The following TRDN variants were observed in gnomAD, a reference collection of about 807,000 sequenced individuals.
TRDN encodes the protein triadin in skeletal muscle.
A neutral mutation model predicts 149.7 loss-of-function variants in TRDN; 161 were observed. The ratio of observed to expected loss-of-function variants is 1.08; its 90% CI spans 0.95 to 1.23. The LOEUF (loss-of-function observed/expected upper bound fraction) is 1.23. Ranked by LOEUF, TRDN falls within the 50% of genes most tolerant of loss-of-function variation. The pLI is 0.00. For synonymous variants in TRDN, 294 were observed against 250.5 expected (o/e 1.17, Z -1.64); for missense variants, 896 against 823.5 (o/e 1.09, Z -1.08).
At chr6:123,446,525 C>T (rs1052775382) in intron 10 of TRDN, among the ~76,000 whole-genome samples, 25 of 138,466 alleles carry the variant, frequency 1.8e-4, no homozygotes, top group Admixed American at 4.9e-4. Context: ...GTGGAGCTTG[C>T]AGTGAGCTGA....
At chr6:123,605,628 G>A (rs1487727040) in intron 1 of TRDN, among the ~76,000 whole-genome samples, 2 of 150,622 alleles carry the variant, frequency 1.3e-5, no homozygotes, top group Non-Finnish European at 2.9e-5. Context: ...AGCCAAGTGT[G>A]GTTGTATAGA....
intron 10 of TRDN, among the ~76,000 whole-genome samples, chr6:123,455,005 G>C (rs1040291083): frequency 2.6e-5 from 4 of 152,170 alleles, no homozygotes; most frequent in Admixed American, 1.3e-4. Context: ...TGAAGCTTGA[G>C]ATAGATATAC....
intron 9 of TRDN, chr6:123,470,375 G>C (rs1415037133): frequency 6.6e-6 from 1 of 152,104 alleles, no homozygotes; most frequent in Non-Finnish European, 1.5e-5. Flanking sequence ...GTGTTGGCTG[G>C]GATGTTGTGA....
chr6:123,455,916 T>C (rs1411088023), intron 10 of TRDN, among the ~76,000 whole-genome samples: 5 of 152,204 alleles, frequency 3.3e-5, no homozygotes, highest in African/African-American at 9.6e-5. Flanking sequence ...AATATTTCAT[T>C]ACATTTAAAA....
intron 5 of TRDN, 49 bp from the exon 6 acceptor site, chr6:123,516,255 G>A: frequency 7.1e-7 from 1 of 1,414,484 alleles, no homozygotes; most frequent in Non-Finnish European, 9.3e-7. Context: ...AGGAATAAAT[G>A]AGGAGATGTT....
chr6:123,568,266 C>G (rs1297078074), intron 2 of TRDN, among the ~76,000 whole-genome samples: 4 of 152,186 alleles, frequency 2.6e-5, no homozygotes, highest in Non-Finnish European at 5.9e-5. Context: ...CAGGGTTCAG[C>G]CCTGGAGGCT....
chr6:123,247,492 A>T (rs1289354300), intron 38 of TRDN, among the ~76,000 whole-genome samples: 1 of 152,218 alleles, frequency 6.6e-6, no homozygotes, highest in African/African-American at 2.4e-5. Flanking sequence ...GTGAACTCCC[A>T]TTCACAATTG....
At chr6:123,301,884 G>A (rs1778442680) in intron 24 of TRDN, among the ~76,000 whole-genome samples, 1 of 147,438 alleles carries the variant, frequency 6.8e-6, no homozygotes, top group African/African-American at 2.5e-5. Context: ...AATTCATATG[G>A]CGGTCTGCGT....
chr6:123,544,017 A>C (rs1031189529), intron 4 of TRDN, among the ~76,000 whole-genome samples: 2 of 152,076 alleles, frequency 1.3e-5, no homozygotes, highest in Admixed American at 6.6e-5. Context: ...TTAGACTATA[A>C]GAATCTAAGA....
intron 1 of TRDN, among the ~76,000 whole-genome samples, chr6:123,611,633 A>G (rs1305981262): frequency 1.3e-5 from 2 of 152,204 alleles, no homozygotes; most frequent in Non-Finnish European, 2.9e-5. Context: ...GTTCTATCAT[A>G]GATCAAAAAA....
At chr6:123,468,817 C>A (rs1217616023) in intron 9 of TRDN, 2 of 152,032 alleles carry the variant, frequency 1.3e-5, no homozygotes, top group Non-Finnish European at 2.9e-5. Flanking sequence ...ATGTCATAGA[C>A]CCTCATTGGA....
intron 5 of TRDN, among the ~76,000 whole-genome samples, chr6:123,516,784 A>T (rs528116889): frequency 6.6e-6 from 1 of 152,254 alleles, no homozygotes; most frequent in Non-Finnish European, 1.5e-5. Flanking sequence ...CTAAAATTTA[A>T]GTCATAATCT....
At chr6:123,359,750 C>T (rs1230957427) in intron 20 of TRDN, among the ~76,000 whole-genome samples, 1 of 152,140 alleles carries the variant, frequency 6.6e-6, no homozygotes, top group African/African-American at 2.4e-5. Flanking sequence ...GGCTGGAGTG[C>T]AGTGGCCGGA....
intron 10 of TRDN, among the ~76,000 whole-genome samples, chr6:123,443,811 T>C (rs1775100864): frequency 6.7e-6 from 1 of 148,920 alleles, no homozygotes; most frequent in Non-Finnish European, 1.5e-5. Flanking sequence ...CTCAGGTTTG[T>C]CAAAGATCAG....
rs867167353 is a variant in TRDN, at chr6:123,530,522, C to A, written c.468G>T (p.Arg156Ser). The A allele has an allele frequency of 8.0e-7, 1 of 1,248,668 alleles. No homozygotes were observed. The highest frequency in any genetic ancestry group is 1.1e-6 in the Non-Finnish European group (1 of 933,756). The allele number at this position is 1,248,668 out of a possible 1,614,324, so 77.3% of individuals were successfully genotyped here. ...DKTEKQEKPERKIQTKVTHKE... is the reference protein window; with the variant it reads ...DKTEKQEKPESKIQTKVTHKE... ...AATGTTTACCTTTAGTTTGTATTTT[C>A]CTTTCAGGTTTCTCTTGTTTTTCAG... Residue 156 changes from arginine (R) to serine (S), a missense_variant, in exon 5 of 41, where the codon AGG becomes AGT. Physicochemically the swap from Arg to Ser is moderately radical, Grantham distance 110. Transcript: ENST00000334268.
chr6:123,401,323 C>T (rs1772961704), intron 12 of TRDN, among the ~76,000 whole-genome samples: 1 of 152,012 alleles, frequency 6.6e-6, no homozygotes, highest in South Asian at 2.1e-4. Flanking sequence ...ATCAAGCAGC[C>T]CAAGGAAGAA....
intron 1 of TRDN, among the ~76,000 whole-genome samples, chr6:123,580,905 T>A (rs1016433621): frequency 6.6e-6 from 1 of 152,182 alleles, no homozygotes; most frequent in Non-Finnish European, 1.5e-5. Flanking sequence ...TTAATTATTT[T>A]AGGTTGAAAA....
intron 5 of TRDN, among the ~76,000 whole-genome samples, chr6:123,525,711 C>T (rs1779911215): frequency 6.6e-6 from 1 of 151,860 alleles, no homozygotes; most frequent in Admixed American, 6.6e-5. Flanking sequence ...TTAAAAAAAA[C>T]TTGTATTTTT....
intron 1 of TRDN, among the ~76,000 whole-genome samples, chr6:123,590,916 A>G (rs1236849711): frequency 6.6e-6 from 1 of 152,204 alleles, no homozygotes; most frequent in African/African-American, 2.4e-5. Flanking sequence ...AATGGAAACC[A>G]CTGTTTTAAA....
Sources: allele counts gnomAD v4.1 joint callset (sites outside exome capture counted in the v4.1 genomes callset), GRCh38; gene constraint gnomAD v4.1.1; transcripts MANE v1.5; gene names NCBI Gene and HGNC (gene_info 2026-07-23, HGNC 2026-07-21).